ERG: variants seen among roughly 807,000 people sequenced by gnomAD.
The protein encoded by ERG is ETS transcription factor ERG, also known as transcriptional regulator ERG.
Under a neutral mutation model 55.3 loss-of-function variants are expected in ERG, and 9 were observed. The observed-to-expected ratio is 0.16, with a 90% CI of 0.10 to 0.28. The LOEUF is 0.28. Among genes scored for constraint, ERG ranks in the 10% least tolerant of loss-of-function variants. The pLI, the probability that ERG is intolerant of heterozygous loss-of-function variation, is 1.00. For synonymous variants in ERG, 223 were observed against 237.3 expected, an observed-to-expected ratio of 0.94 and a Z score of 0.55; for missense variants, 434 against 631.6, an observed-to-expected ratio of 0.69 and a Z score of 3.35.
chr21:38,611,545 C>T (rs1472665785), intron 1 of ERG, among the ~76,000 whole-genome samples: 1 of 152,156 alleles, frequency 6.6e-6, no homozygotes, highest in Non-Finnish European at 1.5e-5. Context: ...GAATGTTCTT[C>T]CCCAGATAGC....
At chr21:38,634,115 G>C (rs1002093003) in intron 1 of ERG, among the ~76,000 whole-genome samples, 1 of 152,132 alleles carries the variant, frequency 6.6e-6, no homozygotes, top group African/African-American at 2.4e-5. Flanking sequence ...AAAATAAGTA[G>C]TTGTATTTTA....
At chr21:38,541,406 C>T (rs1274447204) in intron 2 of ERG, among the ~76,000 whole-genome samples, 1 of 152,152 alleles carries the variant, frequency 6.6e-6, no homozygotes, top group Non-Finnish European at 1.5e-5. Flanking sequence ...CCCATTTCAC[C>T]TTGCATTATT....
chr21:38,650,071 A>G (rs1218304511), intron 1 of ERG, among the ~76,000 whole-genome samples: 1 of 152,136 alleles, frequency 6.6e-6, no homozygotes, highest in Non-Finnish European at 1.5e-5. Context: ...GAGAAGCCAC[A>G]CTTATTTTAT....
At chr21:38,437,675 C>T (rs2058803426) in intron 2 of ERG, among the ~76,000 whole-genome samples, 1 of 152,154 alleles carries the variant, frequency 6.6e-6, no homozygotes, top group Admixed American at 6.5e-5. Flanking sequence ...GTTTGGGGTA[C>T]ATTCCCCAAG....
At chr21:38,404,543 T>C (rs996477742) in intron 3 of ERG, among the ~76,000 whole-genome samples, 1 of 152,202 alleles carries the variant, frequency 6.6e-6, no homozygotes, top group Non-Finnish European at 1.5e-5. Context: ...CCCTCAGTGG[T>C]AGGGTCTTCA....
At chr21:38,447,429 C>T (rs1309675034) in intron 1 of ERG, among the ~76,000 whole-genome samples, 1 of 150,418 alleles carries the variant, frequency 6.6e-6, no homozygotes, top group Admixed American at 6.6e-5. Flanking sequence ...GAATCAGGCA[C>T]AAGGGAAAAA....
intron 1 of ERG, among the ~76,000 whole-genome samples, chr21:38,584,369 C>G (rs1016068843): frequency 6.6e-6 from 1 of 152,116 alleles, no homozygotes; most frequent in South Asian, 2.1e-4. Flanking sequence ...AGATTCACTG[C>G]CTGGGTGTGC....
intron 1 of ERG, among the ~76,000 whole-genome samples, chr21:38,632,653 C>T (rs1255513558): frequency 6.6e-6 from 1 of 152,206 alleles, no homozygotes; most frequent in East Asian, 1.9e-4. Context: ...ATGTGACTTT[C>T]CTCCTCCTTT....
intron 1 of ERG, among the ~76,000 whole-genome samples, chr21:38,488,395 TGTTTA>T (rs1056440696): frequency 6.6e-6 from 1 of 152,168 alleles, no homozygotes; most frequent in African/African-American, 2.4e-5. Flanking sequence ...CTATTTATTT[TGTTTA>T]GTTTATTGTT....
chr21:38,606,258 T>A (rs58902569), intron 1 of ERG, among the ~76,000 whole-genome samples: 67 of 152,212 alleles, frequency 4.4e-4, no homozygotes, highest in African/African-American at 1.6e-3. Flanking sequence ...GATAGGTAGG[T>A]AGATAGGTGA....
intron 3 of ERG, among the ~76,000 whole-genome samples, chr21:38,410,427 C>T (rs931018726): frequency 7.2e-5 from 11 of 152,170 alleles, no homozygotes; most frequent in Non-Finnish European, 4.4e-5. Context: ...CTCTCTGAAG[C>T]CTCTTATTTG....
chr21:38,443,769 G>A (rs2058863444), intron 2 of ERG, among the ~76,000 whole-genome samples: 1 of 151,782 alleles, frequency 6.6e-6, no homozygotes, highest in African/African-American at 2.4e-5. Flanking sequence ...CTCTTGATGA[G>A]ATTCAAAAAT....
Position 38,594,218 on chromosome 21 carries a change from C to G in ERG, c.-149-9273G>C, listed in dbSNP as rs138927425. ...TTTCCACTGAGTTTTGACTGGTTTA[C>G]AAGGATTGCACAAAGATCACCTCAT... On this transcript the variant is annotated intron_variant, in intron 1 of 10. Coordinates refer to the ERG transcript ENST00000398910. Among the ~76,000 whole-genome samples the G allele has an allele frequency of 2.2e-3, 342 of 152,186 alleles. 1 individual carries two copies. Among genetic ancestry groups the G allele is most frequent in the African/African-American group, 7.8e-3 (322 of 41,508 alleles).
chr21:38,389,923 C>T (rs1295822242), intron 9 of ERG, among the ~76,000 whole-genome samples: 1 of 152,108 alleles, frequency 6.6e-6, no homozygotes, highest in Non-Finnish European at 1.5e-5. Flanking sequence ...ATAATGATAA[C>T]ATTTCGTGTT....
At chr21:38,423,356 T>A in intron 3 of ERG, 54 bp downstream of exon 3, 1 of 1,566,342 alleles carries the variant, frequency 6.4e-7, no homozygotes. Context: ...AGGCTCAGCC[T>A]AGCCTTGGGG....
Position 38,622,706 on chromosome 21 carries a change from A to C in ERG, c.-149-37761T>G, listed in dbSNP as rs2060299222. 2.0e-5 allele frequency among the ~76,000 whole-genome samples: 3 copies of C among 146,734 alleles called. No homozygotes were observed. In the Admixed American group the frequency reaches 2.1e-4, roughly 10 times the overall value. ...CATACCACACACATACACACCACAC[A>C]CACCACATGCTCATAAATACCACAC... On this transcript the variant is annotated intron_variant, in intron 1 of 10. Coordinates refer to the ERG transcript ENST00000398910.
chr21:38,563,028 G>A (rs1336234136), intron 2 of ERG, among the ~76,000 whole-genome samples: 2 of 152,172 alleles, frequency 1.3e-5, no homozygotes, highest in Non-Finnish European at 2.9e-5. Context: ...ATCTGAAAAG[G>A]CTACATAGTG....
rs1990090285 is a variant in ERG at position 38,429,636 on chromosome 21, T to TACATATATAC, written c.237-6076_237-6075insGTATATATGT. 2.7e-5 allele frequency among the ~76,000 whole-genome samples: 4 copies of TACATATATAC among 149,292 alleles called. 2 individuals carry two copies. The highest frequency in any genetic ancestry group is 1.0e-4 in the African/African-American group (4 of 40,160). Reference sequence around the variant, plus strand: ...GTACATATATACATATGTGTATATATACATGTATACACATGTACATATATA... The same window carrying TACATATATAC: ...GTACATATATACATATGTGTATATATACATATATACACATGTATACACATGTACATATATA... On this transcript the variant is annotated intron_variant, in intron 2 of 9. Transcript: ENST00000288319.
chr21:38,657,049 T>C (rs192585920), intron 1 of ERG, among the ~76,000 whole-genome samples: 1 of 152,286 alleles, frequency 6.6e-6, no homozygotes, highest in African/African-American at 2.4e-5. Context: ...CAAATCTAGG[T>C]TTTAAAAACC....
Sources: allele counts gnomAD v4.1 joint callset (sites outside exome capture counted in the v4.1 genomes callset), GRCh38; gene constraint gnomAD v4.1.1; transcripts MANE v1.5; gene names NCBI Gene and HGNC (gene_info 2026-07-23, HGNC 2026-07-21).